Variants in FSTL5 observed in about 807,000 individuals in gnomAD.
FSTL5 encodes follistatin like 5.
FSTL5 carries 62 observed loss-of-function variants against 89.1 expected under a neutral mutation model. The ratio of observed to expected loss-of-function variants is 0.70; its 90% CI spans 0.57 to 0.86. The LOEUF is 0.86. Among genes scored for constraint, FSTL5 ranks in the 40% least tolerant of loss-of-function variants. FSTL5 has a pLI of 0.00. For synonymous variants in FSTL5, 383 were observed against 346.2 expected, an observed-to-expected ratio of 1.11 and a Z score of -1.18; for missense variants, 1,057 against 1,001.6, an observed-to-expected ratio of 1.06 and a Z score of -0.75.
At chr4:161,957,621 C>G (rs569495659) in intron 3 of FSTL5, among the ~76,000 whole-genome samples, 2 of 152,172 alleles carry the variant, frequency 1.3e-5, no homozygotes, top group East Asian at 3.9e-4. Context: ...AGAGCCAGAG[C>G]CATCCTAGAC....
chr4:161,670,412 T>C lies in FSTL5; in HGVS notation c.728-13918A>G, dbSNP rs531361521. On this transcript the variant is annotated intron_variant, in intron 6 of 15. Coordinates refer to ENST00000306100, the MANE Select transcript of FSTL5 (RefSeq NM_020116.5). ...CCCAGGACATTAATGTTGGAGTCGA[T>C]CAAATGACACATTATTTGCTCTGTC... Among the ~76,000 whole-genome samples, 3 of 152,326 alleles carry C rather than the reference T, an allele frequency of 2.0e-5. No individual in the cohort carries two copies. In the East Asian group the frequency reaches 5.8e-4, roughly 29 times the overall value.
chr4:162,133,573 G>C (rs929709352), intron 1 of FSTL5, among the ~76,000 whole-genome samples: 2 of 151,966 alleles, frequency 1.3e-5, no homozygotes, highest in Non-Finnish European at 2.9e-5. Flanking sequence ...ATAAATACTG[G>C]TAACATTCAG....
chr4:161,434,863 T>C (rs1732501189), intron 15 of FSTL5, among the ~76,000 whole-genome samples: 1 of 152,084 alleles, frequency 6.6e-6, no homozygotes, highest in African/African-American at 2.4e-5. Context: ...AAATCAACAC[T>C]GCAGTGAGAT....
At chr4:162,063,646 T>C (rs1738794710) in intron 2 of FSTL5, among the ~76,000 whole-genome samples, 1 of 151,950 alleles carries the variant, frequency 6.6e-6, no homozygotes, top group Non-Finnish European at 1.5e-5. Flanking sequence ...GATTTGTTTT[T>C]CATAAATTCC....
chr4:161,555,905 A>T (rs1473144184), intron 8 of FSTL5, among the ~76,000 whole-genome samples: 4 of 151,650 alleles, frequency 2.6e-5, no homozygotes, highest in Admixed American at 2.0e-4. Context: ...CCAACTGATT[A>T]GTAGAAATGA....
chr4:161,574,454 T>C (rs1733141631), intron 8 of FSTL5, among the ~76,000 whole-genome samples: 1 of 151,708 alleles, frequency 6.6e-6, no homozygotes, highest in Non-Finnish European at 1.5e-5. Flanking sequence ...TATCAACCCA[T>C]AATCTAGGTT....
intron 7 of FSTL5, among the ~76,000 whole-genome samples, chr4:161,626,321 C>T (rs1217557331): frequency 6.6e-6 from 1 of 152,086 alleles, no homozygotes; most frequent in Non-Finnish European, 1.5e-5. Context: ...GAAGCCAATG[C>T]TTATTTATTA....
intron 6 of FSTL5, among the ~76,000 whole-genome samples, chr4:161,663,930 G>A (rs551165629): frequency 4.6e-5 from 7 of 152,166 alleles, no homozygotes; most frequent in Non-Finnish European, 1.0e-4. Flanking sequence ...TCAACACCAC[G>A]TGGAAACTGC....
chr4:161,575,749 G>A (rs1259870693), intron 8 of FSTL5, among the ~76,000 whole-genome samples: 1 of 152,234 alleles, frequency 6.6e-6, no homozygotes, highest in East Asian at 1.9e-4. Flanking sequence ...CACCGTGCAC[G>A]GCCGCCTAGG....
intron 1 of FSTL5, among the ~76,000 whole-genome samples, chr4:162,159,309 A>C (rs1733602537): frequency 6.6e-6 from 1 of 152,114 alleles, no homozygotes; most frequent in South Asian, 2.1e-4. Context: ...AAAATACATC[A>C]GTAAAGTAAG....
rs1241324194 is a variant in FSTL5 at position 161,684,323 on chromosome 4, CTA to C, written c.728-27831_728-27830del. 3.9e-5 allele frequency among the ~76,000 whole-genome samples: 6 copies of C among 152,236 alleles called. No homozygotes were observed. In the East Asian group the frequency reaches 1.2e-3, roughly 30 times the overall value. On this transcript the variant is annotated intron_variant, in intron 6 of 15. Coordinates refer to ENST00000306100, the MANE Select transcript of FSTL5 (RefSeq NM_020116.5). ...GGGATTGCTGGATCAAATGGTAGTT[CTA>C]CTTTTAGATCTTTAAGGAATTTCCA...
At chr4:161,901,290 G>T (rs950353792) in intron 4 of FSTL5, among the ~76,000 whole-genome samples, 1 of 152,160 alleles carries the variant, frequency 6.6e-6, no homozygotes, top group Non-Finnish European at 1.5e-5. Flanking sequence ...CTGTGAAGAG[G>T]AGACATTTGA....
At chr4:161,604,928 G>T (rs1404592804) in intron 7 of FSTL5, among the ~76,000 whole-genome samples, 3 of 152,178 alleles carry the variant, frequency 2.0e-5, no homozygotes, top group Non-Finnish European at 4.4e-5. Context: ...AATATTTACA[G>T]AATCTATGCT....
chr4:161,643,004 C>G (rs1034534778), intron 7 of FSTL5, among the ~76,000 whole-genome samples: 5 of 152,042 alleles, frequency 3.3e-5, no homozygotes, highest in Non-Finnish European at 7.4e-5. Context: ...TCAATTTAAA[C>G]CTCATCTTGT....
At chr4:161,595,237 T>G (rs1733970409) in intron 7 of FSTL5, among the ~76,000 whole-genome samples, 1 of 152,064 alleles carries the variant, frequency 6.6e-6, no homozygotes, top group African/African-American at 2.4e-5. Flanking sequence ...CTTAAATAGA[T>G]CAAAACAAAT....
intron 6 of FSTL5, among the ~76,000 whole-genome samples, chr4:161,739,728 A>AG (rs1199830076): frequency 6.6e-6 from 1 of 152,108 alleles, no homozygotes; most frequent in Non-Finnish European, 1.5e-5. Flanking sequence ...ATGTGAAAGG[A>AG]GGGGAGGAAT....
At chr4:161,893,249 G>A (rs1733044894) in intron 4 of FSTL5, among the ~76,000 whole-genome samples, 1 of 152,096 alleles carries the variant, frequency 6.6e-6, no homozygotes, top group Admixed American at 6.5e-5. Context: ...TGGATGGCAA[G>A]GACCTTTATC....
At chr4:161,737,328 C>A (rs1353598258) in intron 6 of FSTL5, among the ~76,000 whole-genome samples, 1 of 151,854 alleles carries the variant, frequency 6.6e-6, no homozygotes, top group Non-Finnish European at 1.5e-5. Flanking sequence ...TGGTCTCGTA[C>A]TGAGGAATAT....
At chr4:162,076,284 G>A (rs1339126222) in intron 2 of FSTL5, among the ~76,000 whole-genome samples, 1 of 151,882 alleles carries the variant, frequency 6.6e-6, no homozygotes, top group Non-Finnish European at 1.5e-5. Flanking sequence ...TGATGTTTCT[G>A]CACATTTTTG....
Sources: gnomAD v4.1 joint callset for allele counts (sites outside exome capture counted in the v4.1 genomes callset) on GRCh38, gnomAD v4.1.1 for gene constraint, MANE v1.5 for transcripts, NCBI Gene and HGNC (gene_info 2026-07-23, HGNC 2026-07-21) for gene names.